The following ZNF385D variants were observed in gnomAD, a reference collection of about 807,000 sequenced individuals.
ZNF385D encodes zinc finger protein 385D, also known as zinc finger protein 659.
Under a neutral mutation model 35.8 loss-of-function variants are expected in ZNF385D, and 15 were observed. That is an observed-to-expected ratio of 0.42 (90% CI 0.28 to 0.64). The LOEUF (loss-of-function observed/expected upper bound fraction) is 0.64, where lower values mean the gene tolerates loss of function less well. ZNF385D is among the 30% of genes least tolerant of loss of function. The probability of loss-of-function intolerance (pLI) is 0.23; values close to 1 mark genes in which losing one functional copy is unlikely to be tolerated. For synonymous variants in ZNF385D, 212 were observed against 186.8 expected, an observed-to-expected ratio of 1.13 and a Z score of -1.10; for missense variants, 474 against 494.6, an observed-to-expected ratio of 0.96 and a Z score of 0.39.
intron 2 of ZNF385D, among the ~76,000 whole-genome samples, chr3:22,295,357 A>G (rs890012767): frequency 2.0e-5 from 3 of 152,152 alleles, no homozygotes; most frequent in African/African-American, 7.2e-5. Flanking sequence ...GCTCTCACAC[A>G]TGAGGGAGAG....
rs1442837521 is a variant in ZNF385D at position 21,622,316 on chromosome 3, C to A, written c.165+42570G>T. The stretch of plus-strand genomic sequence containing the variant: ...CCTTGACACAAACAGTTAACAGTGT[C>A]CACAGAGGTCATTTGCTTATAAACT... On this transcript the variant is annotated intron_variant, in intron 2 of 7. Transcript: ENST00000281523. 2.6e-5 allele frequency among the ~76,000 whole-genome samples: 4 copies of A among 152,226 alleles called. No individual in the cohort carries two copies. In the East Asian group the frequency reaches 7.7e-4, roughly 29 times the overall value.
chr3:22,123,213 G>A (rs1202175081), intron 3 of ZNF385D, among the ~76,000 whole-genome samples: 2 of 152,092 alleles, frequency 1.3e-5, no homozygotes, highest in South Asian at 2.1e-4. Flanking sequence ...GTGGAGGGGA[G>A]AAGCGGGGGA....
intron 2 of ZNF385D, among the ~76,000 whole-genome samples, chr3:21,662,543 A>C (rs917402991): frequency 2.0e-5 from 3 of 152,178 alleles, no homozygotes; most frequent in African/African-American, 7.2e-5. Flanking sequence ...TCAAGAACTC[A>C]GACTGTTACT....
chr3:21,638,960 G>A (rs189413121), intron 2 of ZNF385D, among the ~76,000 whole-genome samples: 73 of 152,164 alleles, frequency 4.8e-4, no homozygotes, highest in African/African-American at 1.7e-3. Context: ...CTCTGATACA[G>A]AGTATAAAAA....
At chr3:21,871,765 G>A (rs576322316) in intron 3 of ZNF385D, among the ~76,000 whole-genome samples, 2 of 152,110 alleles carry the variant, frequency 1.3e-5, no homozygotes, top group African/African-American at 4.8e-5. Flanking sequence ...CAGCACTTTC[G>A]GAGGCTGAGG....
Position 21,814,320 on chromosome 3 carries a change from T to A in ZNF385D, c.326-149292A>T, listed in dbSNP as rs184447942. Among the ~76,000 whole-genome samples, 22 of 152,266 alleles carry A rather than the reference T, an allele frequency of 1.4e-4. No homozygotes were observed. The East Asian group carries it at 4.1e-3, about 28-fold the overall frequency. ...CGTGCAAAATAACCAGCTAACATCA[T>A]AATGATAGGATCAAATTCACACATA... is the stretch of plus-strand genomic sequence containing the variant. On this transcript the variant is annotated intron_variant, in intron 3 of 5. Transcript: ENST00000494108.
intron 3 of ZNF385D, among the ~76,000 whole-genome samples, chr3:21,882,563 G>A (rs1211361030): frequency 6.6e-6 from 1 of 151,942 alleles, no homozygotes; most frequent in Non-Finnish European, 1.5e-5. Flanking sequence ...GTGGTTGTTT[G>A]GAACTTGAAC....
intron 7 of ZNF385D, among the ~76,000 whole-genome samples, chr3:21,422,194 C>T (rs763384456): frequency 6.6e-6 from 1 of 152,148 alleles, no homozygotes; most frequent in African/African-American, 2.4e-5. Context: ...ATTTTGACTA[C>T]TCTGTTTATT....
chr3:21,458,964 A>C (rs1702999864), intron 4 of ZNF385D, among the ~76,000 whole-genome samples: 1 of 152,176 alleles, frequency 6.6e-6, no homozygotes, highest in East Asian at 1.9e-4. Context: ...TATCTCAATG[A>C]AGCTGTTATT....
intron 2 of ZNF385D, among the ~76,000 whole-genome samples, chr3:22,251,151 C>G (rs1158818715): frequency 6.6e-6 from 1 of 152,090 alleles, no homozygotes; most frequent in Non-Finnish European, 1.5e-5. Context: ...ACTTAGCTGA[C>G]ATACATTTGC....
chr3:21,672,477 A>T (rs528977092), intron 1 of ZNF385D, among the ~76,000 whole-genome samples: 2 of 152,192 alleles, frequency 1.3e-5, no homozygotes, highest in East Asian at 3.9e-4. Flanking sequence ...GCTGTCTCAT[A>T]CATCCTGCTT....
chr3:22,004,985 A>T (rs1294953665), intron 3 of ZNF385D, among the ~76,000 whole-genome samples: 1 of 150,396 alleles, frequency 6.6e-6, no homozygotes, highest in Non-Finnish European at 1.5e-5. Flanking sequence ...TGGCAAAATA[A>T]ACTTCCTAAA....
intron 2 of ZNF385D, among the ~76,000 whole-genome samples, chr3:22,313,267 G>T: frequency 8.0e-6 from 1 of 125,044 alleles, no homozygotes; most frequent in Non-Finnish European, 1.6e-5. Context: ...GGGGAGGGGG[G>T]AGGGATAGCA....
At chr3:22,139,180 G>T (rs1704339224) in intron 3 of ZNF385D, among the ~76,000 whole-genome samples, 1 of 152,078 alleles carries the variant, frequency 6.6e-6, no homozygotes, top group Non-Finnish European at 1.5e-5. Flanking sequence ...CTGTAAACTA[G>T]TTCAACCATT....
chr3:22,340,006 TCATA>T (rs1695351571), intron 2 of ZNF385D, among the ~76,000 whole-genome samples: 1 of 152,224 alleles, frequency 6.6e-6, no homozygotes, highest in African/African-American at 2.4e-5. Flanking sequence ...AGTCATGTAC[TCATA>T]CTTATTCCCC....
chr3:22,214,686 G>A (rs757289374), intron 2 of ZNF385D, among the ~76,000 whole-genome samples: 2 of 151,894 alleles, frequency 1.3e-5, no homozygotes, highest in Admixed American at 6.6e-5. Flanking sequence ...GCGCTCCCAG[G>A]CTTATTAGGA....
chr3:21,721,841 T>C (rs1000340560), intron 1 of ZNF385D, among the ~76,000 whole-genome samples: 1 of 152,204 alleles, frequency 6.6e-6, no homozygotes, highest in African/African-American at 2.4e-5. Context: ...GGCTCACGCC[T>C]GTATTCCCAG....
At chr3:21,493,453 T>A (rs562769592) in intron 4 of ZNF385D, among the ~76,000 whole-genome samples, 1 of 152,268 alleles carries the variant, frequency 6.6e-6, no homozygotes, top group South Asian at 2.1e-4. Context: ...AAATTAAAAC[T>A]ATACTTTTAT....
intron 3 of ZNF385D, among the ~76,000 whole-genome samples, chr3:22,042,634 C>T (rs1698735456): frequency 6.6e-6 from 1 of 152,076 alleles, no homozygotes; most frequent in African/African-American, 2.4e-5. Flanking sequence ...TGGGAAAGCC[C>T]ATAAAACACC....
Sources: gnomAD v4.1 joint callset for allele counts (sites outside exome capture counted in the v4.1 genomes callset) on GRCh38, gnomAD v4.1.1 for gene constraint, MANE v1.5 for transcripts, NCBI Gene and HGNC (gene_info 2026-07-23, HGNC 2026-07-21) for gene names.